Variants in GSE1 observed in about 807,000 individuals in gnomAD.
GSE1 encodes the protein Gse1 coiled-coil protein, also known as genetic suppressor element 1.
GSE1 carries 32 observed loss-of-function variants against 112.6 expected under a neutral mutation model. The observed-to-expected ratio is 0.28, with a 90% confidence interval of 0.21 to 0.38. The LOEUF is 0.38. Among genes scored for constraint, GSE1 ranks in the 10% least tolerant of loss-of-function variants. GSE1 has a pLI of 1.00. For missense variants in GSE1, 2,348 were observed against 1,699.2 expected (o/e 1.38, Z -6.71); for synonymous variants, 1,115 against 735.6 (o/e 1.52, Z -8.35).
At chr16:85,534,126 TCC>T (rs964700661) in intron 2 of GSE1, among the ~76,000 whole-genome samples, 15 of 21,824 alleles carry the variant, frequency 6.9e-4, no homozygotes, top group Non-Finnish European at 1.1e-3. Context: ...AATTTCTTCT[TCC>T]TTTTTTTTTT....
At chr16:85,550,520 G>A (rs1382407017) in intron 2 of GSE1, among the ~76,000 whole-genome samples, 1 of 151,956 alleles carries the variant, frequency 6.6e-6, no homozygotes, top group South Asian at 2.1e-4. Flanking sequence ...GGTTAGCCAC[G>A]CAGCTTCCCC....
intron 2 of GSE1, among the ~76,000 whole-genome samples, chr16:85,644,352 A>AG (rs1327289766): frequency 2.6e-5 from 4 of 151,810 alleles, no homozygotes; most frequent in African/African-American, 9.7e-5. Flanking sequence ...TCAAAAAAAA[A>AG]AAAAAAAAGA....
At chr16:85,246,421 A>C (rs1265633717) in intron 1 of GSE1, among the ~76,000 whole-genome samples, 12 of 40,406 alleles carry the variant, frequency 3.0e-4, no homozygotes, top group African/African-American at 9.6e-4. Context: ...ACACACACAC[A>C]CCCCATGCTC....
chr16:85,241,402 A>G (rs1411088315), intron 1 of GSE1, among the ~76,000 whole-genome samples: 2 of 152,120 alleles, frequency 1.3e-5, no homozygotes, highest in African/African-American at 4.8e-5. Flanking sequence ...ACCTTTTCCC[A>G]AGTGGGCATT....
intron 1 of GSE1, among the ~76,000 whole-genome samples, chr16:85,565,173 C>T (rs1202108306): frequency 1.3e-5 from 2 of 151,966 alleles, no homozygotes; most frequent in South Asian, 2.1e-4. Context: ...AGGTGGATCA[C>T]GAGGTCACGA....
At chr16:85,480,047 T>C (rs1218486317) in intron 2 of GSE1, among the ~76,000 whole-genome samples, 2 of 152,222 alleles carry the variant, frequency 1.3e-5, no homozygotes, top group Non-Finnish European at 2.9e-5. Flanking sequence ...ATTGCCCGTG[T>C]TCCTGGCCGG....
At chr16:85,333,818 C>T (rs1645195786) in intron 1 of GSE1, among the ~76,000 whole-genome samples, 1 of 152,164 alleles carries the variant, frequency 6.6e-6, no homozygotes, top group Admixed American at 6.5e-5. Context: ...GGGCCCCAAG[C>T]TGCAGCCTCC....
upstream of GSE1, among the ~76,000 whole-genome samples, chr16:85,608,188 G>A (rs553458233): frequency 2.6e-5 from 4 of 152,180 alleles, no homozygotes; most frequent in Non-Finnish European, 5.9e-5. Flanking sequence ...AGAGGAGGGT[G>A]GAATCTAAGT....
intron 1 of GSE1, among the ~76,000 whole-genome samples, chr16:85,306,761 G>A (rs902675570): frequency 6.6e-6 from 1 of 152,204 alleles, no homozygotes; most frequent in East Asian, 1.9e-4. Context: ...TCCAGCCCTG[G>A]GTATGGCCAA....
chr16:85,352,078 G>T (rs969712263), intron 1 of GSE1, among the ~76,000 whole-genome samples: 1 of 152,096 alleles, frequency 6.6e-6, no homozygotes, highest in African/African-American at 2.4e-5. Context: ...ATAAAACTTG[G>T]CACTGACCAC....
At chr16:85,573,131 T>C (rs896554140) in intron 1 of GSE1, among the ~76,000 whole-genome samples, 11 of 152,220 alleles carry the variant, frequency 7.2e-5, no homozygotes, top group Admixed American at 5.2e-4. Context: ...CACAAAGTGC[T>C]GGGATTACAG....
At position 85,477,490 on chromosome 16, in the gene GSE1, C is replaced by T. The variant is rs193070032; in HGVS notation, c.2464+119847C>T. 2.6e-5 allele frequency among the ~76,000 whole-genome samples: 4 copies of T among 151,972 alleles called. No homozygotes were observed. In the East Asian group the frequency reaches 7.7e-4, roughly 29 times the overall value. ...ACCCCTCACCTCCTTATTGTGAATGCTGTGAGCCCCTCCGGCCTACTGGGC... is the reference window on the plus strand; with the variant it reads ...ACCCCTCACCTCCTTATTGTGAATGTTGTGAGCCCCTCCGGCCTACTGGGC... On this transcript the variant is annotated intron_variant, in intron 2 of 2. Transcript: ENST00000637419.
At chr16:85,662,798 G>T (rs2052539543) in intron 9 of GSE1, 183 bp from the exon 10 acceptor site, 4 of 575,818 alleles carry the variant, frequency 6.9e-6, no homozygotes, top group African/African-American at 1.9e-5. Flanking sequence ...CTGCGGTCCT[G>T]CAAAGCCCCA....
intron 1 of GSE1, among the ~76,000 whole-genome samples, chr16:85,224,385 G>A (rs1004087715): frequency 6.9e-6 from 1 of 144,726 alleles, no homozygotes; most frequent in African/African-American, 2.6e-5. Flanking sequence ...AAAAATTCTC[G>A]ATCTGGTTGG....
In GSE1 at chr16:85,479,188, A is replaced by ATTTTTTTT. The variant is rs59825091; in HGVS notation, c.2464+121563_2464+121570dup. Among the ~76,000 whole-genome samples the ATTTTTTTT allele has an allele frequency of 3.3e-4, 27 of 82,472 alleles. 4 individuals carry two copies. The highest frequency in any genetic ancestry group is 1.3e-3 in the African/African-American group (24 of 19,178). The allele number at this position is 82,472 out of a possible 152,430, so 54.1% of individuals were successfully genotyped here. On this transcript the variant is annotated intron_variant, in intron 2 of 2. Coordinates refer to the GSE1 transcript ENST00000637419. Reference sequence around the variant, plus strand: ...AGGCGCCCGCCACCATGCCCGGCTAATTTTTTTTTTTTTTTTTTTTTTTTT... The same window carrying ATTTTTTTT: ...AGGCGCCCGCCACCATGCCCGGCTAATTTTTTTTTTTTTTTTTTTTTTTTTTTTTTTTT...
intron 2 of GSE1, among the ~76,000 whole-genome samples, chr16:85,375,338 G>A (rs952813165): frequency 6.6e-6 from 1 of 152,118 alleles, no homozygotes; most frequent in Non-Finnish European, 1.5e-5. Context: ...CCCCAGGTGA[G>A]GGGCAATGCA....
intron 1 of GSE1, among the ~76,000 whole-genome samples, chr16:85,215,258 A>T: frequency 6.6e-6 from 1 of 152,182 alleles, no homozygotes; most frequent in East Asian, 1.9e-4. Flanking sequence ...TGGAGGTGCG[A>T]AATAATATCT....
chr16:85,628,023 AG>A (rs1377069749), intron 1 of GSE1, among the ~76,000 whole-genome samples: 4 of 152,124 alleles, frequency 2.6e-5, no homozygotes, highest in Non-Finnish European at 5.9e-5. Context: ...GATCCCCACC[AG>A]GCCTGGAGGG....
At chr16:85,508,521 A>G (rs572237371) in intron 2 of GSE1, among the ~76,000 whole-genome samples, 24 of 152,236 alleles carry the variant, frequency 1.6e-4, no homozygotes, top group African/African-American at 5.8e-4. Context: ...GGCTGCCTGC[A>G]TGGGTGAGAG....
Sources: gnomAD v4.1 joint callset for allele counts (sites outside exome capture counted in the v4.1 genomes callset) on GRCh38, gnomAD v4.1.1 for gene constraint, MANE v1.5 for transcripts, NCBI Gene and HGNC (gene_info 2026-07-23, HGNC 2026-07-21) for gene names.